The following FRMD4B variants were observed in gnomAD, a reference collection of about 807,000 sequenced individuals.
The protein encoded by FRMD4B is FERM domain-containing protein 4B.
In FRMD4B, 74 loss-of-function variants were observed where a neutral mutation model predicts 141.5. That is an observed-to-expected ratio of 0.52 (90% CI 0.43 to 0.63). The LOEUF is 0.63. Among genes scored for constraint, FRMD4B ranks in the 30% least tolerant of loss-of-function variants. FRMD4B has a pLI of 0.00. For missense variants in FRMD4B, 1,366 were observed against 1,253.4 expected (o/e 1.09, Z -1.36); for synonymous variants, 506 against 467.9 (o/e 1.08, Z -1.05).
At chr3:69,322,966 G>C in intron 1 of FRMD4B, 1 of 845,340 alleles carries the variant, frequency 1.2e-6, no homozygotes, top group African/African-American at 1.8e-5. Context: ...GATAAAGTTG[G>C]GTAGAATCTC....
intron 7 of FRMD4B, among the ~76,000 whole-genome samples, chr3:69,244,928 GA>G (rs910380269): frequency 1.3e-5 from 2 of 151,876 alleles, no homozygotes; most frequent in African/African-American, 2.4e-5. Flanking sequence ...GCTTTATGGG[GA>G]AAAAAAGCTA....
chr3:69,404,553 T>G (rs1442302850), intron 2 of FRMD4B, among the ~76,000 whole-genome samples: 1 of 152,212 alleles, frequency 6.6e-6, no homozygotes, highest in African/African-American at 2.4e-5. Flanking sequence ...ACTTTATTAT[T>G]ATTACTTCTA....
At chr3:69,214,900 G>T (rs1258619074) in intron 11 of FRMD4B, among the ~76,000 whole-genome samples, 4 of 150,566 alleles carry the variant, frequency 2.7e-5, no homozygotes, top group Admixed American at 2.6e-4. Flanking sequence ...TTTTTTTTGA[G>T]ATGAAGTCTC....
intron 4 of FRMD4B, among the ~76,000 whole-genome samples, chr3:69,291,814 A>C (rs1193200268): frequency 6.6e-6 from 1 of 151,656 alleles, no homozygotes; most frequent in Non-Finnish European, 1.5e-5. Flanking sequence ...TTTGTTTGTT[A>C]GCCACAGGTA....
At chr3:69,395,206 A>C (rs1042838618) in intron 2 of FRMD4B, among the ~76,000 whole-genome samples, 2 of 152,312 alleles carry the variant, frequency 1.3e-5, no homozygotes, top group African/African-American at 4.8e-5. Context: ...GAATAAAAAG[A>C]TGAGAAAAAA....
chr3:69,280,007 G>A (rs1294786674), intron 5 of FRMD4B, among the ~76,000 whole-genome samples: 1 of 152,040 alleles, frequency 6.6e-6, no homozygotes, highest in African/African-American at 2.4e-5. Context: ...TTAAAAAAAA[G>A]GGGGTGTGGT....
chr3:69,319,430 T>C (rs181497713), intron 1 of FRMD4B, among the ~76,000 whole-genome samples: 585 of 152,338 alleles, frequency 3.8e-3, no homozygotes, highest in Admixed American at 6.9e-3. Flanking sequence ...ACATTTTTAA[T>C]GGGAGGAATA....
upstream of FRMD4B, among the ~76,000 whole-genome samples, chr3:69,386,938 C>G (rs973530600): frequency 6.6e-6 from 1 of 152,190 alleles, no homozygotes; most frequent in Non-Finnish European, 1.5e-5. Context: ...CATGTCTAAC[C>G]TCACCTGCAA....
chr3:69,336,996 G>A (rs931223283), intron 1 of FRMD4B, among the ~76,000 whole-genome samples: 6 of 152,080 alleles, frequency 3.9e-5, no homozygotes, highest in Non-Finnish European at 8.8e-5. Flanking sequence ...CAACCTAAAT[G>A]TCCATTAATG....
In FRMD4B at chr3:69,195,259, T is replaced by C. The variant is rs2092889555; in HGVS notation, c.1340A>G (p.Glu447Gly). The part of the protein sequence containing the change: ...LQEKLLKKVE[E>G]LKKICLREAE... ...CTCCCGCAGACAGATCTTCTTAAGC[T>C]CCTCAACTTTTTTCAGAAGTTTTTC... is the stretch of plus-strand genomic sequence containing the variant. The change falls in exon 15 of 23, where the codon GAG becomes GGG. Residue 447 changes from glutamate (E) to glycine (G), a missense_variant. Physicochemically the swap from Glu to Gly is moderately conservative, Grantham distance 98 (BLOSUM62 -2). Transcript: ENST00000398540. The C allele has an allele frequency of 6.2e-7, 1 of 1,613,018 alleles. No homozygotes were observed. The highest frequency in any genetic ancestry group is 2.2e-5 in the East Asian group (1 of 44,886).
At chr3:69,321,907 T>C (rs1010805224) in intron 1 of FRMD4B, among the ~76,000 whole-genome samples, 1 of 152,052 alleles carries the variant, frequency 6.6e-6, no homozygotes, top group African/African-American at 2.4e-5. Context: ...GAGATCTCAC[T>C]ATGTTGCCCA....
intron 1 of FRMD4B, chr3:69,472,588 C>G (rs1391000419): frequency 3.7e-5 from 8 of 215,904 alleles, no homozygotes; most frequent in African/African-American, 1.9e-4. Flanking sequence ...GCCAATGCAC[C>G]ACAATGTAGC....
intron 9 of FRMD4B, among the ~76,000 whole-genome samples, chr3:69,221,032 G>T (rs9860365): frequency 0.14 from 21,349 of 151,398 alleles, 1,892 homozygotes; most frequent in African/African-American, 0.25. Context: ...GTGCAATCAC[G>T]GCTCACTGCA....
intron 5 of FRMD4B, among the ~76,000 whole-genome samples, chr3:69,281,792 C>G (rs892338969): frequency 6.7e-6 from 1 of 148,756 alleles, no homozygotes; most frequent in Non-Finnish European, 1.5e-5. Flanking sequence ...CCACTGCACT[C>G]CAGCCTGGGT....
At position 69,198,744 on chromosome 3, in the gene FRMD4B, A is replaced by T. The variant is rs1320720166; in HGVS notation, c.907T>A (p.Tyr303Asn). The part of the protein sequence containing the change: ...LFQWKQLENL[Y>N]FREKKFAVEV... ...ACAGCAAATTTTTTCTCACGGAAAT[A>T]TAAGTTCTCCAGCTGTTTCCATTGG... The change falls in exon 12 of 23, where the codon TAT becomes AAT. Residue 303 changes from tyrosine to asparagine, a missense_variant. Physicochemically the swap from Tyr to Asn is moderately radical, Grantham distance 143. Coordinates refer to ENST00000398540, the MANE Select transcript of FRMD4B (RefSeq NM_015123.3). The T allele has an allele frequency of 1.3e-6, 2 of 1,563,004 alleles. No homozygotes were observed. Among genetic ancestry groups the T allele is most frequent in the Non-Finnish European group, 1.7e-6 (2 of 1,145,352 alleles).
chr3:69,203,025 G>C (rs1327817122), intron 11 of FRMD4B, among the ~76,000 whole-genome samples: 8 of 151,062 alleles, frequency 5.3e-5, no homozygotes, highest in Admixed American at 5.3e-4. Context: ...GCTGTATTTT[G>C]AAAGTGAACT....
chr3:69,307,824 C>G (rs1701443728), intron 3 of FRMD4B, among the ~76,000 whole-genome samples: 1 of 152,214 alleles, frequency 6.6e-6, no homozygotes, highest in African/African-American at 2.4e-5. Context: ...GTCAAAGCCG[C>G]ATTCCTCCTC....
chr3:69,172,143 A>G (rs2092594211), intron 22 of FRMD4B, among the ~76,000 whole-genome samples, 162 bp from the exon 23 acceptor site: 1 of 152,204 alleles, frequency 6.6e-6, no homozygotes, highest in Non-Finnish European at 1.5e-5. Context: ...TGTTCTTTCA[A>G]TGTCATACTG....
At chr3:69,281,832 A>ATAT (rs1182288829) in intron 5 of FRMD4B, among the ~76,000 whole-genome samples, 4 of 52,948 alleles carry the variant, frequency 7.6e-5, no homozygotes, top group Admixed American at 3.0e-4. Flanking sequence ...TCAAAAAAAA[A>ATAT]AAAAAAATAT....
Sources: gnomAD v4.1 joint callset for allele counts (sites outside exome capture counted in the v4.1 genomes callset) on GRCh38, gnomAD v4.1.1 for gene constraint, MANE v1.5 for transcripts, NCBI Gene and HGNC (gene_info 2026-07-23, HGNC 2026-07-21) for gene names.